Variants in LRRTM4 observed in about 807,000 individuals in gnomAD.
The protein encoded by LRRTM4 is leucine rich repeat transmembrane neuronal 4.
A neutral mutation model predicts 47.6 loss-of-function variants in LRRTM4; 25 were observed. The observed-to-expected ratio is 0.53, with a 90% confidence interval of 0.38 to 0.73. The LOEUF (loss-of-function observed/expected upper bound fraction) is 0.73, where lower values mean the gene tolerates loss of function less well. Ranked by LOEUF, LRRTM4 falls within the 30% of genes least tolerant of loss-of-function variation. The pLI is 0.00. For synonymous variants in LRRTM4, 311 were observed against 269.5 expected (o/e 1.15, Z -1.51); for missense variants, 638 against 713.4 (o/e 0.89, Z 1.20).
rs181033401 is a variant in LRRTM4 at position 77,499,386 on chromosome 2, G to A, written c.1551+18932C>T. On this transcript the variant is annotated intron_variant, in intron 3 of 3. Transcript: ENST00000409884. Reference sequence around the variant, plus strand: ...TGCCTTAGCATTCTAAGTCCCTGAGGTCACATTGTCCTGGTCCCGGTTCTC... The same window carrying A: ...TGCCTTAGCATTCTAAGTCCCTGAGATCACATTGTCCTGGTCCCGGTTCTC... 3.8e-4 allele frequency among the ~76,000 whole-genome samples: 57 copies of A among 151,922 alleles called. 1 individual carries two copies. The highest frequency in any genetic ancestry group is 1.1e-3 in the Admixed American group (16 of 15,214).
At chr2:77,248,428 T>C (rs1675509011) in intron 3 of LRRTM4, among the ~76,000 whole-genome samples, 1 of 151,956 alleles carries the variant, frequency 6.6e-6, no homozygotes, top group Non-Finnish European at 1.5e-5. Context: ...TATTCCATGT[T>C]TATGGACAGA....
At chr2:76,853,274 A>T (rs537071949) in intron 3 of LRRTM4, among the ~76,000 whole-genome samples, 1 of 152,236 alleles carries the variant, frequency 6.6e-6, no homozygotes, top group African/African-American at 2.4e-5. Flanking sequence ...GATTCAAGAG[A>T]TGTTCAAGAA....
chr2:77,123,545 C>T (rs1671573870), intron 3 of LRRTM4, among the ~76,000 whole-genome samples: 1 of 151,774 alleles, frequency 6.6e-6, no homozygotes, highest in Non-Finnish European at 1.5e-5. Context: ...TTCATAAAAC[C>T]AATATATAAT....
At position 77,281,154 on chromosome 2, in the gene LRRTM4, A is replaced by G. The variant is rs184227751; in HGVS notation, c.1551+237164T>C. Among the ~76,000 whole-genome samples, 376 of 152,028 alleles carry G rather than the reference A, an allele frequency of 2.5e-3. 6 individuals are homozygous for G. The highest frequency in any genetic ancestry group is 7.5e-4 in the Non-Finnish European group (51 of 67,916). ...AAATCAATGTCAATCTTATTTGGCT[A>G]AGATTTCCGAGTGCCCCTCTATCCT... On this transcript the variant is annotated intron_variant, in intron 3 of 3. Transcript: ENST00000409884.
chr2:77,475,574 C>A (rs1023627463), intron 3 of LRRTM4, among the ~76,000 whole-genome samples: 32 of 151,766 alleles, frequency 2.1e-4, no homozygotes, highest in African/African-American at 7.5e-4. Flanking sequence ...GTCTATTATT[C>A]CTTTCAGTGA....
At chr2:77,459,220 G>C (rs1374222284) in intron 3 of LRRTM4, among the ~76,000 whole-genome samples, 1 of 151,994 alleles carries the variant, frequency 6.6e-6, no homozygotes, top group Non-Finnish European at 1.5e-5. Context: ...CTCATTGCTG[G>C]AAGAAGTGTG....
chr2:77,346,754 A>G (rs2104287607), intron 3 of LRRTM4, among the ~76,000 whole-genome samples: 1 of 152,258 alleles, frequency 6.6e-6, no homozygotes, highest in Admixed American at 6.5e-5. Context: ...ATTAAGTAAT[A>G]ATAATATAAG....
intron 3 of LRRTM4, among the ~76,000 whole-genome samples, chr2:76,971,154 A>G (rs771553616): frequency 6.6e-6 from 1 of 151,992 alleles, no homozygotes; most frequent in Non-Finnish European, 1.5e-5. Context: ...AGTCTTCCCA[A>G]ACAGTTAAAA....
chr2:77,146,207 T>C (rs1247316045), intron 3 of LRRTM4, among the ~76,000 whole-genome samples: 1 of 152,218 alleles, frequency 6.6e-6, no homozygotes, highest in African/African-American at 2.4e-5. Flanking sequence ...CTTTTCTCCA[T>C]ATTATTCTGT....
At chr2:76,836,052 T>C (rs1004352504) in intron 3 of LRRTM4, among the ~76,000 whole-genome samples, 5 of 151,930 alleles carry the variant, frequency 3.3e-5, no homozygotes, top group Non-Finnish European at 7.4e-5. Context: ...GGGAAGAAGT[T>C]GAGAGAAGTC....
chr2:76,830,511 T>TGC (rs1671316664), intron 3 of LRRTM4, among the ~76,000 whole-genome samples: 1 of 124,340 alleles, frequency 8.0e-6, no homozygotes, highest in East Asian at 2.5e-4. Flanking sequence ...TGTGGCAGTG[T>TGC]GTGCGTGTGT....
intron 3 of LRRTM4, among the ~76,000 whole-genome samples, chr2:77,056,372 T>C (rs1480098243): frequency 1.3e-5 from 2 of 152,110 alleles, no homozygotes; most frequent in Non-Finnish European, 2.9e-5. Context: ...CCTCTATACA[T>C]CAAGAACTTG....
intron 3 of LRRTM4, among the ~76,000 whole-genome samples, chr2:77,109,381 G>A (rs1671186738): frequency 6.6e-6 from 1 of 152,142 alleles, no homozygotes; most frequent in Non-Finnish European, 1.5e-5. Flanking sequence ...AAAGTAGAAA[G>A]AGTTATTTCC....
intron 3 of LRRTM4, among the ~76,000 whole-genome samples, chr2:77,352,342 A>G (rs935657188): frequency 6.6e-6 from 1 of 152,144 alleles, no homozygotes; most frequent in Non-Finnish European, 1.5e-5. Flanking sequence ...CCTACATTTG[A>G]CTGCAATGAA....
chr2:76,864,418 G>T (rs1320061456), intron 3 of LRRTM4, among the ~76,000 whole-genome samples: 1 of 152,250 alleles, frequency 6.6e-6, no homozygotes, highest in East Asian at 1.9e-4. Context: ...AGCACTTTGG[G>T]AGGCCTAGGC....
intron 3 of LRRTM4, among the ~76,000 whole-genome samples, chr2:76,758,752 A>C (rs908303177): frequency 2.0e-5 from 3 of 152,086 alleles, no homozygotes; most frequent in African/African-American, 7.2e-5. Context: ...TAGTTCATTT[A>C]TTTATGTATT....
chr2:76,925,224 G>A (rs531284719), intron 3 of LRRTM4, among the ~76,000 whole-genome samples: 48 of 152,302 alleles, frequency 3.2e-4, no homozygotes, highest in African/African-American at 1.0e-3. Context: ...ATAAGTTAGA[G>A]ATGCTTTCCT....
chr2:76,773,231 A>G (rs1673791526), intron 3 of LRRTM4, among the ~76,000 whole-genome samples: 1 of 152,236 alleles, frequency 6.6e-6, no homozygotes, highest in South Asian at 2.1e-4. Flanking sequence ...AGCCCCAAGT[A>G]GCAAACCCAG....
intron 3 of LRRTM4, among the ~76,000 whole-genome samples, chr2:77,254,447 C>T (rs1675707636): frequency 6.6e-6 from 1 of 151,558 alleles, no homozygotes; most frequent in Non-Finnish European, 1.5e-5. Flanking sequence ...ATTCTCTAAA[C>T]AGAATGGAAT....
Sources: gnomAD v4.1 joint callset for allele counts (sites outside exome capture counted in the v4.1 genomes callset) on GRCh38, gnomAD v4.1.1 for gene constraint, MANE v1.5 for transcripts, NCBI Gene and HGNC (gene_info 2026-07-23, HGNC 2026-07-21) for gene names.